LHFPL6: variants seen among roughly 807,000 people sequenced by gnomAD.
The protein encoded by LHFPL6 is LHFPL tetraspan subfamily member 6.
In LHFPL6, 9 loss-of-function variants were observed where a neutral mutation model predicts 20.6. The observed-to-expected ratio is 0.44, with a 90% CI of 0.26 to 0.76. LHFPL6 has a LOEUF of 0.76. Among genes scored for constraint, LHFPL6 ranks in the 30% least tolerant of loss-of-function variants. The probability of loss-of-function intolerance (pLI) is 0.20; values close to 1 mark genes in which losing one functional copy is unlikely to be tolerated. For missense variants in LHFPL6, 218 were observed against 253.5 expected (o/e 0.86, Z 0.95); for synonymous variants, 105 against 98.7 (o/e 1.06, Z -0.38).
intron 2 of LHFPL6, among the ~76,000 whole-genome samples, chr13:39,401,770 C>T (rs936449000): frequency 2.6e-5 from 4 of 152,158 alleles, no homozygotes; most frequent in Admixed American, 6.5e-5. Flanking sequence ...GGGCATGGGA[C>T]TCAAGACTTT....
At chr13:39,386,951 G>A (rs934770930) in intron 2 of LHFPL6, among the ~76,000 whole-genome samples, 12 of 152,110 alleles carry the variant, frequency 7.9e-5, no homozygotes. Flanking sequence ...TAAGGTCTAC[G>A]AAGCCTCAAC....
At chr13:39,444,434 C>G (rs1872230405) in intron 2 of LHFPL6, among the ~76,000 whole-genome samples, 1 of 152,148 alleles carries the variant, frequency 6.6e-6, no homozygotes, top group Non-Finnish European at 1.5e-5. Context: ...CTCATCAAGA[C>G]TATAGGACAA....
rs189186565 is a variant in LHFPL6, at chr13:39,382,347, C to T, written c.386-3821G>A. 2.1e-3 allele frequency among the ~76,000 whole-genome samples: 320 copies of T among 152,306 alleles called. 2 individuals carry two copies. Among genetic ancestry groups the T allele is most frequent in the Middle Eastern group, 0.017 (5 of 294 alleles). On this transcript the variant is annotated intron_variant, in intron 2 of 3. Transcript: ENST00000379589. ...CTCTTGCGTTCTGTCTGGCTTTCTA[C>T]CGGCAAGCAGCCAAACCTAGAGTAG...
At chr13:39,409,947 T>C (rs763449115) in intron 2 of LHFPL6, among the ~76,000 whole-genome samples, 3 of 152,232 alleles carry the variant, frequency 2.0e-5, no homozygotes, top group Non-Finnish European at 4.4e-5. Flanking sequence ...CTACAGAGTT[T>C]ATCATTTTTG....
intron 2 of LHFPL6, among the ~76,000 whole-genome samples, chr13:39,516,824 G>A (rs1277589319): frequency 6.6e-6 from 1 of 152,216 alleles, no homozygotes; most frequent in African/African-American, 2.4e-5. Flanking sequence ...AAAGACAACA[G>A]TCAAAACACA....
chr13:39,594,204 C>T (rs752980031), intron 2 of LHFPL6, among the ~76,000 whole-genome samples: 8 of 152,184 alleles, frequency 5.3e-5, no homozygotes, highest in Non-Finnish European at 7.4e-5. Flanking sequence ...AGAAAATTTT[C>T]GCAACCTACT....
At chr13:39,512,612 A>AAAAAAAAAAAAAG (rs1432715224) in intron 2 of LHFPL6, among the ~76,000 whole-genome samples, 1 of 125,640 alleles carries the variant, frequency 8.0e-6, no homozygotes, top group African/African-American at 3.2e-5. Context: ...AAAAAAAAAA[A>AAAAAAAAAAAAAG]AAAGAAAAGA....
chr13:39,497,847 C>G (rs1225813836), intron 2 of LHFPL6, among the ~76,000 whole-genome samples: 27 of 152,120 alleles, frequency 1.8e-4, no homozygotes, highest in Admixed American at 1.8e-3. Flanking sequence ...CAGTAGCAAT[C>G]TTTTTAATTT....
intron 2 of LHFPL6, among the ~76,000 whole-genome samples, chr13:39,500,832 ATAAAT>A (rs1869269966): frequency 6.6e-6 from 1 of 152,230 alleles, no homozygotes; most frequent in South Asian, 2.1e-4. Flanking sequence ...AGTATTAAAC[ATAAAT>A]TAAACTTGGA....
At chr13:39,464,593 T>G (rs1259283301) in intron 2 of LHFPL6, among the ~76,000 whole-genome samples, 1 of 152,206 alleles carries the variant, frequency 6.6e-6, no homozygotes, top group African/African-American at 2.4e-5. Context: ...TTTTATTCTA[T>G]TCCATGAAGT....
chr13:39,408,621 A>G (rs571894008), intron 2 of LHFPL6, among the ~76,000 whole-genome samples: 1 of 152,256 alleles, frequency 6.6e-6, no homozygotes, highest in South Asian at 2.1e-4. Context: ...CAAACAAAAA[A>G]CAAACACTTA....
At chr13:39,378,794 T>C (rs1392058228) in intron 2 of LHFPL6, among the ~76,000 whole-genome samples, 5 of 152,206 alleles carry the variant, frequency 3.3e-5, no homozygotes, top group African/African-American at 7.2e-5. Flanking sequence ...GTTTAGGAAA[T>C]ACAATTCAGA....
intron 2 of LHFPL6, among the ~76,000 whole-genome samples, chr13:39,555,076 A>G (rs1185148871): frequency 1.3e-5 from 2 of 152,194 alleles, no homozygotes; most frequent in Non-Finnish European, 2.9e-5. Context: ...AAAGATTACG[A>G]ACAAGGCCAA....
intron 2 of LHFPL6, among the ~76,000 whole-genome samples, chr13:39,441,039 T>C (rs933545135): frequency 1.1e-4 from 16 of 151,528 alleles, no homozygotes; most frequent in African/African-American, 3.9e-4. Flanking sequence ...TTTTGTAAAA[T>C]ACCAGTCTCA....
chr13:39,498,632 T>C (rs922631249), intron 2 of LHFPL6, among the ~76,000 whole-genome samples: 2 of 152,140 alleles, frequency 1.3e-5, no homozygotes, highest in Non-Finnish European at 2.9e-5. Context: ...AGCGTAAAGC[T>C]ACATTAGGAA....
chr13:39,382,578 C>CG (rs1227133482), intron 2 of LHFPL6, among the ~76,000 whole-genome samples: 1 of 151,900 alleles, frequency 6.6e-6, no homozygotes, highest in Non-Finnish European at 1.5e-5. Context: ...TTAGTGGAGA[C>CG]GGGGTTTCAC....
chr13:39,462,573 C>T (rs1872712116), intron 2 of LHFPL6, among the ~76,000 whole-genome samples: 1 of 152,132 alleles, frequency 6.6e-6, no homozygotes, highest in Admixed American at 6.6e-5. Context: ...GGAAAGTACA[C>T]AAACCTGTAT....
chr13:39,508,540 C>A, intron 2 of LHFPL6, among the ~76,000 whole-genome samples: 1 of 152,150 alleles, frequency 6.6e-6, no homozygotes, highest in Non-Finnish European at 1.5e-5. Context: ...CACAATTGAT[C>A]TGTTTGAATT....
chr13:39,376,826 G>C (rs149164973), intron 3 of LHFPL6, among the ~76,000 whole-genome samples: 1 of 152,232 alleles, frequency 6.6e-6, no homozygotes, highest in East Asian at 1.9e-4. Flanking sequence ...CATCCATATA[G>C]TAGGGGAAAA....
Sources: gnomAD v4.1 joint callset for allele counts (sites outside exome capture counted in the v4.1 genomes callset) on GRCh38, gnomAD v4.1.1 for gene constraint, MANE v1.5 for transcripts, NCBI Gene and HGNC (gene_info 2026-07-23, HGNC 2026-07-21) for gene names.